Variants in TNFRSF14 observed in about 807,000 individuals in gnomAD.
The protein encoded by TNFRSF14 is tumor necrosis factor receptor superfamily member 14.
A neutral mutation model predicts 34.1 loss-of-function variants in TNFRSF14; 18 were observed. The ratio of observed to expected loss-of-function variants is 0.53; its 90% CI spans 0.36 to 0.78. TNFRSF14 has a LOEUF of 0.78. TNFRSF14 is among the 30% of genes least tolerant of loss of function. The probability of loss-of-function intolerance (pLI) is 0.00; values close to 1 mark genes in which losing one functional copy is unlikely to be tolerated. For missense variants in TNFRSF14, 352 were observed against 379.5 expected (o/e 0.93, Z 0.60); for synonymous variants, 157 against 153.2 (o/e 1.02, Z -0.18).
At chr1:2,560,572 C>G in intron 4 of TNFRSF14, 52 bp from the exon 5 acceptor site, 2 of 1,433,882 alleles carry the variant, frequency 1.4e-6, no homozygotes, top group Non-Finnish European at 9.7e-7. Context: ...AGCCGCCAGC[C>G]CCCTCCTGGC....
At chr1:2,557,136 C>A in intron 1 of TNFRSF14, 1 of 239,456 alleles carries the variant, frequency 4.2e-6, no homozygotes, top group Non-Finnish European at 8.2e-6. Flanking sequence ...CAGTGTGCAG[C>A]AGGGGGCTGG....
Position 2,557,791 on chromosome 1 carries a change from C to T in TNFRSF14, c.135C>T (p.Asp45=), listed in dbSNP as rs774802835. ...YAPALPSCKE[D]EYPVGSECCP... is the part of the protein sequence containing the mutation. The stretch of plus-strand genomic sequence containing the variant: ...CAGCTCTGCCGTCCTGCAAGGAGGA[C>T]GAGTACCCAGTGGGCTCCGAGTGCT... Residue 45 remains aspartate, a synonymous_variant, in exon 2 of 8, where the codon GAC becomes GAT. Coordinates refer to ENST00000355716, the MANE Select transcript of TNFRSF14 (RefSeq NM_003820.4). The T allele has an allele frequency of 1.9e-5, 30 of 1,611,240 alleles. No homozygotes were observed. Among genetic ancestry groups the T allele is most frequent in the Admixed American group, 5.0e-5 (3 of 59,758 alleles).
Position 2,556,607 on chromosome 1 carries a change from C to T in TNFRSF14, c.-58C>T. ...CAGCCGCAGCAATGGCGCTGAGTTCCTCTGCTGGAGTTCATCCTGCTAGCT... is the reference window on the plus strand; with the variant it reads ...CAGCCGCAGCAATGGCGCTGAGTTCTTCTGCTGGAGTTCATCCTGCTAGCT... On this transcript the variant is annotated 5_prime_UTR_variant, in exon 1 of 8. Coordinates refer to ENST00000355716, the MANE Select transcript of TNFRSF14 (RefSeq NM_003820.4). The T allele has an allele frequency of 6.5e-7, 1 of 1,537,160 alleles. No homozygotes were observed. The highest frequency in any genetic ancestry group is 8.9e-7 in the Non-Finnish European group (1 of 1,121,304).
upstream of TNFRSF14, chr1:2,555,893 G>A (rs1195344949): frequency 1.2e-5 from 2 of 160,800 alleles, no homozygotes; most frequent in African/African-American, 4.8e-5. This position sits in a 1 kb window ranked among gnomAD's most constrained non-coding sequence, Gnocchi z 6.3. Context: ...AAGCCCAGTG[G>A]GGTGCAGGGA....
At position 2,563,571 on chromosome 1, in the gene TNFRSF14, T is replaced by G; in HGVS notation, c.*298T>G. On this transcript the variant is annotated 3_prime_UTR_variant, in exon 8 of 8. Coordinates refer to ENST00000355716, the MANE Select transcript of TNFRSF14 (RefSeq NM_003820.4). ...CGCTCACAGACCACACACCCAGCCCTCCTGGGCCAGCCCAGAGGGCCCTTC... is the reference window on the plus strand; with the variant it reads ...CGCTCACAGACCACACACCCAGCCCGCCTGGGCCAGCCCAGAGGGCCCTTC... 1 of 397,086 alleles carries G rather than the reference T, an allele frequency of 2.5e-6. No homozygotes were observed. Among genetic ancestry groups the G allele is most frequent in the African/African-American group, 2.0e-5 (1 of 50,576 alleles). 24.6% of individuals were successfully genotyped at this position (397,086 alleles called of 1,614,324 possible).
chr1:2,557,389 C>T (rs1476384042), intron 1 of TNFRSF14, among the ~76,000 whole-genome samples: 2 of 152,182 alleles, frequency 1.3e-5, no homozygotes, highest in Non-Finnish European at 2.9e-5. Flanking sequence ...CCAACCTAGG[C>T]CAGCAGGGGG....
At chr1:2,558,026 C>A (rs1015932406) in intron 2 of TNFRSF14, among the ~76,000 whole-genome samples, 192 bp downstream of exon 2, 1 of 152,158 alleles carries the variant, frequency 6.6e-6, no homozygotes, top group African/African-American at 2.4e-5. Context: ...GGGGGACCCT[C>A]ACAGTCACAC....
Position 2,557,470 on chromosome 1 carries a change from A to T in TNFRSF14, c.70-256A>T, listed in dbSNP as rs1043096363. The stretch of plus-strand genomic sequence containing the variant: ...GGTGTGGGGTCCCTGGCGAGGGCAG[A>T]GTTCCAGTTCCCAGGGCTCCGCGCT... On this transcript the variant is annotated intron_variant, in intron 1 of 7. Transcript: ENST00000355716. Among the ~76,000 whole-genome samples, 4 of 152,090 alleles carry T rather than the reference A, an allele frequency of 2.6e-5. No individual in the cohort carries two copies. The East Asian group carries it at 7.7e-4, about 29-fold the overall frequency.
intron 3 of TNFRSF14, 165 bp from the exon 4 acceptor site, chr1:2,559,658 A>G (rs535373813): frequency 6.5e-5 from 100 of 1,535,080 alleles, no homozygotes; most frequent in African/African-American, 8.2e-5. Flanking sequence ...TCCCGGCCTC[A>G]GGTCCTCCAT....
chr1:2,555,777 G>C (rs1157937267), upstream of TNFRSF14: 1 of 153,246 alleles, frequency 6.5e-6, no homozygotes, highest in African/African-American at 2.4e-5. The surrounding 1 kb of genome is among the most constrained non-coding windows in gnomAD (Gnocchi z 6.3). Flanking sequence ...GTGATGCAGG[G>C]AGCGAGGCCG....
At chr1:2,554,623 C>T (rs898054213), upstream of TNFRSF14, 2 of 152,254 alleles carry the variant, frequency 1.3e-5, no homozygotes, top group Non-Finnish European at 2.9e-5. This position sits in a 1 kb window ranked among gnomAD's most constrained non-coding sequence, Gnocchi z 4.2. Context: ...AGGCCTGGCA[C>T]CTGGGGCCCT....
At position 2,561,425 on chromosome 1, in the gene TNFRSF14, G is replaced by T. The variant is rs926706039; in HGVS notation, c.552-248G>T. On this transcript the variant is annotated intron_variant, in intron 5 of 7. Transcript: ENST00000355716. The surrounding 1 kb of genome is among the most constrained non-coding windows in gnomAD (Gnocchi z 6.0). Reference sequence around the variant, plus strand: ...CGCTTCTCTCCCCTCTCCCTCTGCCGTCCTGTCTCCTTTGCCCAGTCTCTC... The same window carrying T: ...CGCTTCTCTCCCCTCTCCCTCTGCCTTCCTGTCTCCTTTGCCCAGTCTCTC... 2.8e-6 allele frequency: 4 copies of T among 1,434,182 alleles called. 1 individual carries two copies. In the Middle Eastern group the frequency reaches 7.0e-4, roughly 249 times the overall value. 88.8% of individuals were successfully genotyped at this position (1,434,182 alleles called of 1,614,324 possible).
chr1:2,556,469 C>T lies in TNFRSF14; in HGVS notation c.-196C>T, dbSNP rs548749247. 1.4e-6 allele frequency: 1 copy of T among 711,282 alleles called. No homozygotes were observed. The highest frequency in any genetic ancestry group is 2.5e-6 in the Non-Finnish European group (1 of 393,674). 44.1% of individuals were successfully genotyped at this position (711,282 alleles called of 1,614,324 possible). A position where few individuals can be genotyped will look rare whatever the true frequency, so the allele number is the denominator to read the frequency against. ...CGCTCCACCCAGCAGGCCTGAGCCCCTCTCTGCTGCCAGACACCCCCTGCT... is the reference window on the plus strand; with the variant it reads ...CGCTCCACCCAGCAGGCCTGAGCCCTTCTCTGCTGCCAGACACCCCCTGCT... On this transcript the variant is annotated 5_prime_UTR_variant, in exon 1 of 8. Coordinates refer to ENST00000355716, the MANE Select transcript of TNFRSF14 (RefSeq NM_003820.4).
intron 3 of TNFRSF14, chr1:2,559,499 C>T: frequency 1.4e-6 from 2 of 1,468,898 alleles, no homozygotes; most frequent in Non-Finnish European, 1.8e-6. Flanking sequence ...CGAGGACCTG[C>T]CTGCGGGACC....
chr1:2,562,546 T>C (rs1373341788), intron 6 of TNFRSF14: 4 of 524,298 alleles, frequency 7.6e-6, no homozygotes, highest in Non-Finnish European at 3.4e-6. Context: ...GCAGGGCCTC[T>C]CCACTGTGAA....
At chr1:2,562,237 C>T (rs1323008320) in intron 6 of TNFRSF14, 1 of 239,926 alleles carries the variant, frequency 4.2e-6, no homozygotes, top group Non-Finnish European at 8.2e-6. Context: ...ATCCACCTAT[C>T]CGCCCTGGTC....
chr1:2,560,902 A>G (rs1644299375), intron 5 of TNFRSF14, 188 bp downstream of exon 5: 2 of 597,244 alleles, frequency 3.3e-6, no homozygotes, highest in African/African-American at 1.9e-5. Context: ...AACCCCTTCC[A>G]TGGGCCCAGA....
At chr1:2,559,297 G>T in intron 3 of TNFRSF14, 3 of 1,366,820 alleles carry the variant, frequency 2.2e-6, no homozygotes, top group Non-Finnish European at 2.9e-6. Context: ...GTCTACTTGG[G>T]CTGAGGATGT....
chr1:2,558,600 TCC>T, intron 3 of TNFRSF14, 132 bp downstream of exon 3: 3 of 1,507,272 alleles, frequency 2.0e-6, no homozygotes. Flanking sequence ...CAACCCCATC[TCC>T]ATGGATGCAC....
Sources: gnomAD v4.1 joint callset for allele counts (sites outside exome capture counted in the v4.1 genomes callset) on GRCh38, gnomAD v4.1.1 for gene constraint, Gnocchi (gnomAD v3.1) non-coding constraint, MANE v1.5 for transcripts, NCBI Gene and HGNC (gene_info 2026-07-23, HGNC 2026-07-21) for gene names.